SH3PXD2A: variants seen among roughly 807,000 people sequenced by gnomAD.
SH3PXD2A encodes SH3 and PX domain-containing protein 2A.
SH3PXD2A carries 32 observed loss-of-function variants against 115.2 expected under a neutral mutation model. The observed-to-expected ratio is 0.28, with a 90% CI of 0.21 to 0.37. The LOEUF is 0.37. Ranked by LOEUF, SH3PXD2A falls within the 10% of genes least tolerant of loss-of-function variation. The pLI, the probability that SH3PXD2A is intolerant of heterozygous loss-of-function variation, is 1.00. For missense variants in SH3PXD2A, 1,328 were observed against 1,498.7 expected (o/e 0.89, Z 1.88); for synonymous variants, 610 against 629.1 (o/e 0.97, Z 0.45).
chr10:103,816,681 C>T (rs574291611), intron 1 of SH3PXD2A, among the ~76,000 whole-genome samples: 1 of 152,302 alleles, frequency 6.6e-6, no homozygotes, highest in East Asian at 1.9e-4. Flanking sequence ...TGAAAACTTA[C>T]ATCCACACAA....
chr10:103,752,211 C>G (rs1041877385), intron 3 of SH3PXD2A, among the ~76,000 whole-genome samples: 1 of 152,192 alleles, frequency 6.6e-6, no homozygotes, highest in Non-Finnish European at 1.5e-5. Flanking sequence ...GGGAAGGGCA[C>G]AAGGCTTGCC....
chr10:103,622,964 A>G (rs751634123), intron 9 of SH3PXD2A, among the ~76,000 whole-genome samples: 1 of 152,144 alleles, frequency 6.6e-6, no homozygotes, highest in Non-Finnish European at 1.5e-5. Flanking sequence ...GTCCTGCAAC[A>G]TCTGAGCTTA....
At chr10:103,778,448 C>G (rs2038901530) in intron 2 of SH3PXD2A, among the ~76,000 whole-genome samples, 1 of 152,240 alleles carries the variant, frequency 6.6e-6, no homozygotes, top group South Asian at 2.1e-4. Flanking sequence ...TATTAGTGTT[C>G]TAGTCAGTAG....
At chr10:103,682,938 G>A (rs185712646) in intron 6 of SH3PXD2A, among the ~76,000 whole-genome samples, 36 of 152,172 alleles carry the variant, frequency 2.4e-4, no homozygotes, top group Admixed American at 5.9e-4. Context: ...GGACAAGAAC[G>A]CCTCGGAAAT....
intron 7 of SH3PXD2A, chr10:103,661,870 GA>G: frequency 1.0e-6 from 1 of 985,246 alleles, no homozygotes; most frequent in Non-Finnish European, 1.2e-6. Context: ...AACCCAAGAA[GA>G]AAGTCCCCGC....
At chr10:103,794,443 C>G (rs199931847) in intron 2 of SH3PXD2A, among the ~76,000 whole-genome samples, 1 of 152,176 alleles carries the variant, frequency 6.6e-6, no homozygotes, top group East Asian at 1.9e-4. Context: ...TAGCCCAGCG[C>G]TTTGTAGGTC....
intron 1 of SH3PXD2A, among the ~76,000 whole-genome samples, chr10:103,822,259 T>A (rs2039388691): frequency 6.6e-6 from 1 of 152,266 alleles, no homozygotes; most frequent in African/African-American, 2.4e-5. Context: ...ATTGACCTTT[T>A]CTGGATGTTA....
chr10:103,617,912 AAG>A (rs2036543566), intron 10 of SH3PXD2A, among the ~76,000 whole-genome samples: 1 of 152,116 alleles, frequency 6.6e-6, no homozygotes, highest in Non-Finnish European at 1.5e-5. Context: ...GTAATCTCCC[AAG>A]AGGAGTCCAT....
intron 1 of SH3PXD2A, among the ~76,000 whole-genome samples, chr10:103,842,511 G>A (rs1199722462): frequency 6.6e-6 from 1 of 152,100 alleles, no homozygotes; most frequent in Non-Finnish European, 1.5e-5. Context: ...CTACCCAACT[G>A]TATTTTTGTA....
At chr10:103,634,593 G>C (rs2036837111) in intron 8 of SH3PXD2A, among the ~76,000 whole-genome samples, 1 of 152,166 alleles carries the variant, frequency 6.6e-6, no homozygotes, top group African/African-American at 2.4e-5. Context: ...GTGACTCCTT[G>C]AGAATGTATG....
intron 4 of SH3PXD2A, among the ~76,000 whole-genome samples, chr10:103,734,578 G>A (rs541390722): frequency 4.6e-5 from 7 of 152,076 alleles, no homozygotes; most frequent in Non-Finnish European, 1.0e-4. Context: ...GCAAAACCAC[G>A]TCTCTACTAA....
intron 5 of SH3PXD2A, among the ~76,000 whole-genome samples, chr10:103,711,883 C>T (rs977089249): frequency 1.3e-5 from 2 of 151,916 alleles, no homozygotes; most frequent in Admixed American, 6.6e-5. Flanking sequence ...AGCCAGACCC[C>T]GTCTCTACAA....
intron 4 of SH3PXD2A, among the ~76,000 whole-genome samples, chr10:103,734,928 A>C (rs1246207651): frequency 2.0e-5 from 3 of 152,190 alleles, no homozygotes; most frequent in African/African-American, 7.2e-5. Flanking sequence ...CATCCTCATG[A>C]CCACCGTGTG....
rs562812364 is a variant in SH3PXD2A, at chr10:103,618,905, G to A, written c.803-1591C>T. 7.9e-5 allele frequency among the ~76,000 whole-genome samples: 12 copies of A among 152,324 alleles called. No individual in the cohort carries two copies. In the South Asian group the frequency reaches 2.5e-3, roughly 32 times the overall value. On this transcript the variant is annotated intron_variant, in intron 10 of 14. Coordinates refer to ENST00000369774, the MANE Select transcript of SH3PXD2A (RefSeq NM_001394015.1). ...AGGGCCATCTGTCCACTCTCCCCTG[G>A]ATTATCGGGGCCCTGTCTGCAGCCC...
intron 1 of SH3PXD2A, among the ~76,000 whole-genome samples, chr10:103,848,556 C>T (rs1842868850): frequency 6.6e-6 from 1 of 152,220 alleles, no homozygotes. Flanking sequence ...AGAGCTGGCC[C>T]TGAGCTTTCC....
At position 103,601,102 on chromosome 10, in the gene SH3PXD2A, T is replaced by C. The variant is rs1222537041; in HGVS notation, c.*714A>G. On this transcript the variant is annotated 3_prime_UTR_variant, in exon 15 of 15. Coordinates refer to ENST00000369774, the MANE Select transcript of SH3PXD2A (RefSeq NM_001394015.1). Reference sequence around the variant, plus strand: ...CCTCTCTGTAAACTCTGGTACTGTGTCCTCCATGGGGTGCCCCACGGAGAG... The same window carrying C: ...CCTCTCTGTAAACTCTGGTACTGTGCCCTCCATGGGGTGCCCCACGGAGAG... 6.6e-6 allele frequency: 1 copy of C among 152,270 alleles called. No homozygotes were observed. The highest frequency in any genetic ancestry group is 1.5e-5 in the Non-Finnish European group (1 of 68,080). The allele number at this position is 152,270 out of a possible 1,614,324, so 9.4% of individuals were successfully genotyped here.
At chr10:103,707,249 T>G (rs1263187509) in intron 5 of SH3PXD2A, among the ~76,000 whole-genome samples, 1 of 151,622 alleles carries the variant, frequency 6.6e-6, no homozygotes, top group African/African-American at 2.4e-5. Context: ...CAAGCTGGAG[T>G]GCAGAGGTGC....
chr10:103,606,177 T>TATCATC (rs56654395), intron 13 of SH3PXD2A, among the ~76,000 whole-genome samples: 1,478 of 142,818 alleles, frequency 0.01, 6 homozygotes, highest in African/African-American at 0.024. Flanking sequence ...TTACTATTAC[T>TATCATC]ATCATCATCA....
At chr10:103,655,578 G>C (rs2037198402) in intron 8 of SH3PXD2A, among the ~76,000 whole-genome samples, 1 of 151,998 alleles carries the variant, frequency 6.6e-6, no homozygotes, top group African/African-American at 2.4e-5. Flanking sequence ...TTCAAGACCA[G>C]CTTGACCAAC....
Sources: gnomAD v4.1 joint callset for allele counts (sites outside exome capture counted in the v4.1 genomes callset) on GRCh38, gnomAD v4.1.1 for gene constraint, MANE v1.5 for transcripts, NCBI Gene and HGNC (gene_info 2026-07-23, HGNC 2026-07-21) for gene names.